The following CROCC2 variants were observed in gnomAD, a reference collection of about 807,000 sequenced individuals.
CROCC2 encodes the protein ciliary rootlet coiled-coil protein 2.
CROCC2 carries 163 observed loss-of-function variants against 177.6 expected under a neutral mutation model. The observed-to-expected ratio is 0.92, with a 90% CI of 0.81 to 1.05. The LOEUF (loss-of-function observed/expected upper bound fraction) is 1.05. CROCC2 is among the 50% of genes least tolerant of loss of function. The pLI is 0.00. For synonymous variants in CROCC2, 904 were observed against 787.3 expected (o/e 1.15, Z -2.48); for missense variants, 1,929 against 1,797.8 (o/e 1.07, Z -1.32).
chr2:240,958,525 G>A lies in CROCC2; in HGVS notation c.2944-776G>A. On this transcript the variant is annotated intron_variant, in intron 19 of 31. Transcript: ENST00000690015. This position sits in a 1 kb window ranked among gnomAD's most constrained non-coding sequence, Gnocchi z 6.7. ...CACAGGGGCAGCCATGTGGGCACCTGTGCCCCCAGGAACACAAAGCCAGCT... is the reference window on the plus strand; with the variant it reads ...CACAGGGGCAGCCATGTGGGCACCTATGCCCCCAGGAACACAAAGCCAGCT... The A allele has an allele frequency of 2.0e-6, 2 of 979,532 alleles. No individual in the cohort carries two copies. The highest frequency in any genetic ancestry group is 2.4e-6 in the Non-Finnish European group (2 of 824,534). The allele number at this position is 979,532 out of a possible 1,614,324, so 60.7% of individuals were successfully genotyped here.
chr2:240,925,750 C>T lies in CROCC2; in HGVS notation c.515C>T (p.Ala172Val). Reference sequence around the variant, plus strand: ...AGCACCGGCCTCTGTCAGGTGAACGCGCTCCTGCGGGAGCAGCTGGAACAT... The same window carrying T: ...AGCACCGGCCTCTGTCAGGTGAACGTGCTCCTGCGGGAGCAGCTGGAACAT... ...ERSTGLCQVN[A>V]LLREQLEHMK... The change falls in exon 5 of 32, where the codon GCG becomes GTG. Residue 172 changes from alanine (A) to valine (V), a missense_variant. Coordinates refer to ENST00000690015, the MANE Select transcript of CROCC2 (RefSeq NM_001351305.2). 1 of 716,784 alleles carries T rather than the reference C, an allele frequency of 1.4e-6. No homozygotes were observed. Among genetic ancestry groups the T allele is most frequent in the South Asian group, 1.5e-5 (1 of 67,542 alleles). The allele number at this position is 716,784 out of a possible 1,614,324, so 44.4% of individuals were successfully genotyped here.
intron 14 of CROCC2, among the ~76,000 whole-genome samples, chr2:240,940,957 C>T (rs2059491804): frequency 6.6e-6 from 1 of 152,134 alleles, no homozygotes. Flanking sequence ...CCTCCCAAAA[C>T]CTCCTAGATC....
chr2:240,986,677 C>T (rs1486980649), intron 28 of CROCC2, among the ~76,000 whole-genome samples: 3 of 152,194 alleles, frequency 2.0e-5, no homozygotes, highest in African/African-American at 7.2e-5. Flanking sequence ...GACTTCCATC[C>T]GTGGAGCCTG....
chr2:240,948,313 C>T (rs2059535059), intron 15 of CROCC2, among the ~76,000 whole-genome samples: 2 of 152,134 alleles, frequency 1.3e-5, no homozygotes, highest in South Asian at 2.1e-4. Flanking sequence ...AAGGGGGTGG[C>T]GGTGGCCAGA....
rs1047650136 is a variant in CROCC2, at chr2:240,932,324, G to A, written c.954G>A (p.Ser318=). The A allele has an allele frequency of 2.5e-5, 18 of 715,392 alleles. No homozygotes were observed. The highest frequency in any genetic ancestry group is 5.9e-5 in the South Asian group (4 of 67,416). 44.3% of individuals were successfully genotyped at this position (715,392 alleles called of 1,614,324 possible). A position where few individuals can be genotyped will look rare whatever the true frequency, so the allele number is the denominator to read the frequency against. The change falls in exon 8 of 32, where the codon TCG becomes TCA. Residue 318 remains serine, a synonymous_variant. Coordinates refer to ENST00000690015, the MANE Select transcript of CROCC2 (RefSeq NM_001351305.2). ...ACCCCCCGACTCCTCCCAGACTCTCGGAGCAAACCCTGCTGGTGGAGAAGC... is the reference window on the plus strand; with the variant it reads ...ACCCCCCGACTCCTCCCAGACTCTCAGAGCAAACCCTGCTGGTGGAGAAGC... ...AEKVALQARL[S]EQTLLVEKLT...
intron 19 of CROCC2, chr2:240,959,037 A>C: frequency 2.4e-6 from 1 of 421,728 alleles, no homozygotes; most frequent in Non-Finnish European, 4.3e-6. Flanking sequence ...GCGCAGGCTG[A>C]GCTGAGGGGC....
chr2:240,976,090 T>A (rs981764676), intron 27 of CROCC2, among the ~76,000 whole-genome samples: 1 of 152,250 alleles, frequency 6.6e-6, no homozygotes, highest in African/African-American at 2.4e-5. Flanking sequence ...ATGCCCCAGA[T>A]GGGGAGACTG....
In CROCC2 at chr2:240,989,938, A is replaced by G. The variant is rs550662693; in HGVS notation, c.4863+105A>G. ...GGTGACTTCTTGAAGTCCTCTAGCA[A>G]CAGGGGCTCTCCACTGCCACCCAGT... On this transcript the variant is annotated intron_variant, in intron 30 of 31. Transcript: ENST00000690015. 5 of 1,126,576 alleles carry G rather than the reference A, an allele frequency of 4.4e-6. No individual in the cohort carries two copies. The African/African-American group carries it at 7.9e-5, about 18-fold the overall frequency. 69.8% of individuals were successfully genotyped at this position (1,126,576 alleles called of 1,614,324 possible). A position where few individuals can be genotyped will look rare whatever the true frequency, so the allele number is the denominator to read the frequency against.
In CROCC2 at chr2:240,935,388, C is replaced by G; in HGVS notation, c.1969C>G (p.Gln657Glu). ...LEQERDQLRE[Q>E]RKTLEQERAR... The stretch of plus-strand genomic sequence containing the variant: ...GCAGGAGCGGGACCAGCTGCGGGAA[C>G]AGCGGAAGACTCTGGAGCAGGAACG... Residue 657 changes from glutamine to glutamate, a missense_variant, in exon 14 of 32, where the codon CAG becomes GAG. Around this residue, in one of 3 missense-constraint regions of CROCC2, gnomAD observed 1,397 missense variants for 1,239.9 expected, o/e 1.13. Coordinates refer to ENST00000690015, the MANE Select transcript of CROCC2 (RefSeq NM_001351305.2). 12 of 1,360,386 alleles carry G rather than the reference C, an allele frequency of 8.8e-6. No homozygotes were observed. Among genetic ancestry groups the G allele is most frequent in the Non-Finnish European group, 1.1e-5 (12 of 1,050,558 alleles). The allele number at this position is 1,360,386 out of a possible 1,614,324, so 84.3% of individuals were successfully genotyped here.
chr2:240,982,003 G>T lies in CROCC2; in HGVS notation c.4402-877G>T. On this transcript the variant is annotated intron_variant, in intron 27 of 31. Transcript: ENST00000690015. The surrounding 1 kb of genome is among the most constrained non-coding windows in gnomAD (Gnocchi z 4.7). ...GCCATCCTCCCTCCTGGGATGACAG[G>T]GAGGCAGGATTCCTGCAAGCAGGAG... 1 of 152,134 alleles carries T rather than the reference G, an allele frequency of 6.6e-6. No individual in the cohort carries two copies. The allele number at this position is 152,134 out of a possible 1,614,324, so 9.4% of individuals were successfully genotyped here. A position where few individuals can be genotyped will look rare whatever the true frequency, so the allele number is the denominator to read the frequency against.
chr2:240,935,533 G>A lies in CROCC2; in HGVS notation c.2114G>A (p.Gly705Glu). Reference protein sequence around the residue: ...RLEQRQEQLEGQAALLGREKA... With the variant: ...RLEQRQEQLEEQAALLGREKA... ...GAGCAGCGGCAGGAGCAGCTGGAGG[G>A]GCAGGCAGCCCTGCTGGGGCGAGAG... The change falls in exon 14 of 32, where the codon GGG (glycine) becomes GAG (glutamate). Residue 705 changes from glycine (G) to glutamate (E), a missense_variant. Gly to Glu is a moderately conservative substitution (Grantham distance 98, BLOSUM62 -2). Around this residue, in one of 3 missense-constraint regions of CROCC2, gnomAD observed 1,397 missense variants for 1,239.9 expected, o/e 1.13. Transcript: ENST00000690015. The A allele has an allele frequency of 7.4e-7, 1 of 1,350,468 alleles. No individual in the cohort carries two copies. Among genetic ancestry groups the A allele is most frequent in the Non-Finnish European group, 9.5e-7 (1 of 1,049,144 alleles). The allele number at this position is 1,350,468 out of a possible 1,614,324, so 83.7% of individuals were successfully genotyped here.
chr2:240,968,613 G>A (rs539451098), intron 27 of CROCC2, among the ~76,000 whole-genome samples: 1 of 152,372 alleles, frequency 6.6e-6, no homozygotes, highest in South Asian at 2.1e-4. Flanking sequence ...TTCTTGCTGA[G>A]GCCACAGCGG....
Position 240,982,129 on chromosome 2 carries a change from T to C in CROCC2, c.4402-751T>C, listed in dbSNP as rs2059805064. The C allele has an allele frequency of 6.6e-6, 1 of 152,092 alleles. No individual in the cohort carries two copies. The highest frequency in any genetic ancestry group is 1.5e-5 in the Non-Finnish European group (1 of 68,162). 9.4% of individuals were successfully genotyped at this position (152,092 alleles called of 1,614,324 possible). ...GGGATGGCGAGTTCCCCGGGCAGTG[T>C]CCTGGGGGCAGCTGGGAGCACCACA... On this transcript the variant is annotated intron_variant, in intron 27 of 31. Coordinates refer to ENST00000690015, the MANE Select transcript of CROCC2 (RefSeq NM_001351305.2). This position sits in a 1 kb window ranked among gnomAD's most constrained non-coding sequence, Gnocchi z 4.7.
chr2:240,955,983 T>C lies in CROCC2; in HGVS notation c.2943+11T>C. ...CAGGAGCAAGCGCAGGTGAGCCCCA[T>C]GCAGCCAGGCCACGTGCACAGCCAA... On this transcript the variant is annotated intron_variant, in intron 19 of 31. Coordinates refer to ENST00000690015, the MANE Select transcript of CROCC2 (RefSeq NM_001351305.2). 6.5e-7 allele frequency: 1 copy of C among 1,530,408 alleles called. No homozygotes were observed. Among genetic ancestry groups the C allele is most frequent in the South Asian group, 1.2e-5 (1 of 83,828 alleles). The allele number at this position is 1,530,408 out of a possible 1,614,324, so 94.8% of individuals were successfully genotyped here.
In CROCC2 at chr2:240,906,562, C is replaced by A. The variant is rs2059254911; in HGVS notation, c.49C>A (p.Pro17Thr). The change falls in exon 1 of 32, where the codon CCC becomes ACC. Residue 17 changes from proline (P) to threonine (T), a missense_variant. Pro to Thr is a conservative substitution (Grantham distance 38, BLOSUM62 -1). Around this residue, in one of 3 missense-constraint regions of CROCC2, gnomAD observed 1,397 missense variants for 1,239.9 expected, o/e 1.13. Transcript: ENST00000690015. ...TGGCAATGGGGACGCCTCCCAACAG[C>A]CCCTACTGGGGCTGGACACCGTGAT... is the stretch of plus-strand genomic sequence containing the variant. ...EPGNGDASQQ[P>T]LLGLDTVIQR... The A allele has an allele frequency of 2.5e-6, 1 of 399,182 alleles. No individual in the cohort carries two copies. The highest frequency in any genetic ancestry group is 3.6e-5 in the East Asian group (1 of 28,080). The allele number at this position is 399,182 out of a possible 1,614,324, so 24.7% of individuals were successfully genotyped here. A position where few individuals can be genotyped will look rare whatever the true frequency, so the allele number is the denominator to read the frequency against.
intron 14 of CROCC2, among the ~76,000 whole-genome samples, chr2:240,939,381 A>AT (rs1015200565): frequency 3.3e-5 from 5 of 152,156 alleles, no homozygotes; most frequent in Admixed American, 2.0e-4. Context: ...CATTTTATAT[A>AT]TTTTTTATTC....
chr2:240,911,382 C>G (rs550164622), intron 1 of CROCC2, among the ~76,000 whole-genome samples: 1 of 150,944 alleles, frequency 6.6e-6, no homozygotes, highest in African/African-American at 2.4e-5. Context: ...CAGCAGCCTC[C>G]GCCCTCCCAT....
chr2:240,925,141 T>A lies in CROCC2; in HGVS notation c.489-583T>A, dbSNP rs563265890. Among the ~76,000 whole-genome samples, 62 of 152,304 alleles carry A rather than the reference T, an allele frequency of 4.1e-4. 1 individual carries two copies. The South Asian group carries it at 0.013, about 31-fold the overall frequency. On this transcript the variant is annotated intron_variant, in intron 4 of 31. Coordinates refer to ENST00000690015, the MANE Select transcript of CROCC2 (RefSeq NM_001351305.2). ...ATCCTCCAGGAATCTGGAAAAGGAA[T>A]CAAAGTGCTGAGAAACTTTTGAAAA... is the stretch of plus-strand genomic sequence containing the variant.
rs182669354 is a variant in CROCC2 at position 240,973,914 on chromosome 2, A to G, written c.4401+5652A>G. Among the ~76,000 whole-genome samples, 4 of 152,332 alleles carry G rather than the reference A, an allele frequency of 2.6e-5. No homozygotes were observed. Among genetic ancestry groups the G allele is most frequent in the African/African-American group, 9.6e-5 (4 of 41,574 alleles). ...AGAGGTTCATTGAACTCCCCTGTACATATTCCGCAGCTGTCATCATAAAGA... is the reference window on the plus strand; with the variant it reads ...AGAGGTTCATTGAACTCCCCTGTACGTATTCCGCAGCTGTCATCATAAAGA... On this transcript the variant is annotated intron_variant, in intron 27 of 31. Transcript: ENST00000690015. The surrounding 1 kb of genome is among the most constrained non-coding windows in gnomAD (Gnocchi z 4.7).
Sources: gnomAD v4.1 joint callset for allele counts (sites outside exome capture counted in the v4.1 genomes callset) on GRCh38, gnomAD v4.1.1 for gene constraint, gnomAD v4.1.1 regional missense constraint, Gnocchi (gnomAD v3.1) non-coding constraint, MANE v1.5 for transcripts, NCBI Gene and HGNC (gene_info 2026-07-23, HGNC 2026-07-21) for gene names.